Variants in GORASP1 observed in about 807,000 individuals in gnomAD.
GORASP1 encodes the protein golgi reassembly stacking protein 1, also known as Golgi reassembly-stacking protein 1.
In GORASP1, 31 loss-of-function variants were observed where a neutral mutation model predicts 37.7. The observed-to-expected ratio is 0.82, with a 90% CI of 0.62 to 1.11. The LOEUF is 1.11. Ranked by LOEUF, GORASP1 falls within the 50% of genes least tolerant of loss-of-function variation. The probability of loss-of-function intolerance (pLI) is 0.00; values close to 1 mark genes in which losing one functional copy is unlikely to be tolerated. For synonymous variants in GORASP1, 204 were observed against 224.8 expected, an observed-to-expected ratio of 0.91 and a Z score of 0.83; for missense variants, 476 against 560.7, an observed-to-expected ratio of 0.85 and a Z score of 1.53.
rs140734803 is a variant in GORASP1 at position 39,103,534 on chromosome 3, G to T, written c.83C>A (p.Ala28Asp). Residue 28 changes from alanine to aspartate, a missense_variant, in exon 2 of 9, where the codon GCC becomes GAC. Transcript: ENST00000319283. This position sits in a 1 kb window ranked among gnomAD's most constrained non-coding sequence, Gnocchi z 5.2. ...HLHGVQENSP[A>D]QQAGLEPYFD... is the part of the protein sequence containing the mutation. Reference sequence around the variant, plus strand: ...GTAGGGCTCCAGGCCCGCCTGCTGGGCTGGGGAGTTCTCCTGCACCTATCC... The same window carrying T: ...GTAGGGCTCCAGGCCCGCCTGCTGGTCTGGGGAGTTCTCCTGCACCTATCC... The T allele has an allele frequency of 6.2e-7, 1 of 1,613,364 alleles. No individual in the cohort carries two copies. Among genetic ancestry groups the T allele is most frequent in the Middle Eastern group, 1.7e-4 (1 of 6,054 alleles).
chr3:39,098,530 C>G lies in GORASP1; in HGVS notation c.1070-41G>C. The G allele has an allele frequency of 6.3e-7, 1 of 1,583,780 alleles. No individual in the cohort carries two copies. The highest frequency in any genetic ancestry group is 8.6e-7 in the Non-Finnish European group (1 of 1,164,486). ...TCAGGCTGAGGAGGTCTGCAAGAAC[C>G]TAGGGCCATGGTGTTAGGGCCAGTA... On this transcript the variant is annotated intron_variant, in intron 8 of 8. Transcript: ENST00000319283. This position sits in a 1 kb window ranked among gnomAD's most constrained non-coding sequence, Gnocchi z 4.7.
chr3:39,098,107 C>G lies in GORASP1; in HGVS notation c.*129G>C, dbSNP rs969755268. On this transcript the variant is annotated 3_prime_UTR_variant, in exon 9 of 9. Transcript: ENST00000319283. The surrounding 1 kb of genome is among the most constrained non-coding windows in gnomAD (Gnocchi z 4.7). ...TCCCACAAGGCCCATGGCCCCCTCTCACCACCCACTGAGGCCTCATGTCCC... is the reference window on the plus strand; with the variant it reads ...TCCCACAAGGCCCATGGCCCCCTCTGACCACCCACTGAGGCCTCATGTCCC... 3.5e-6 allele frequency: 4 copies of G among 1,129,786 alleles called. No homozygotes were observed. Among genetic ancestry groups the G allele is most frequent in the Non-Finnish European group, 5.0e-6 (4 of 793,668 alleles). 70.0% of individuals were successfully genotyped at this position (1,129,786 alleles called of 1,614,324 possible). A position where few individuals can be genotyped will look rare whatever the true frequency, so the allele number is the denominator to read the frequency against.
rs1305994868 is a variant in GORASP1, at chr3:39,102,363, GCATTCCAGCAGTCCAACCAC to G, written c.348+295_348+314del. The G allele has an allele frequency of 2.1e-6, 1 of 484,200 alleles. No homozygotes were observed. The highest frequency in any genetic ancestry group is 3.8e-6 in the Non-Finnish European group (1 of 265,012). 30.0% of individuals were successfully genotyped at this position (484,200 alleles called of 1,614,324 possible). On this transcript the variant is annotated intron_variant, in intron 3 of 8. Coordinates refer to ENST00000319283, the MANE Select transcript of GORASP1 (RefSeq NM_031899.4). This position sits in a 1 kb window ranked among gnomAD's most constrained non-coding sequence, Gnocchi z 5.0. ...GACACAGAGAATAATAAAAGCAGCA[GCATTCCAGCAGTCCAACCAC>G]CATTCCAGTAGATGATATTTCTACC...
Position 39,101,060 on chromosome 3 carries a change from G to A in GORASP1, c.391C>T (p.Pro131Ser). The A allele has an allele frequency of 6.2e-7, 1 of 1,614,172 alleles. No homozygotes were observed. The highest frequency in any genetic ancestry group is 8.5e-7 in the Non-Finnish European group (1 of 1,180,002). The stretch of plus-strand genomic sequence containing the variant: ...GAACCAACCACATAGTCTGTGTAGG[G>A]GCGCAGGCCGGCAAGGGCAGCAGGT... Reference protein sequence around the residue: ...SSPAALAGLRPYTDYVVGSDQ... With the variant: ...SSPAALAGLRSYTDYVVGSDQ... Residue 131 changes from proline to serine, a missense_variant, in exon 4 of 9, where the codon CCC (proline) becomes TCC (serine). Transcript: ENST00000319283.
At chr3:39,101,158 G>A in intron 3 of GORASP1, 56 bp from the exon 4 acceptor site, 1 of 1,519,218 alleles carries the variant, frequency 6.6e-7, no homozygotes, top group East Asian at 2.3e-5. Flanking sequence ...GTTGGGGGAT[G>A]GGAAAGGGCA....
intron 3 of GORASP1, 101 bp from the exon 4 acceptor site, chr3:39,101,203 C>T: frequency 1.0e-6 from 1 of 991,046 alleles, no homozygotes; most frequent in Non-Finnish European, 1.6e-6. Context: ...GAGTGGGACA[C>T]TTGTCCTCTA....
intron 1 of GORASP1, among the ~76,000 whole-genome samples, chr3:39,104,355 A>AC (rs2035904475): frequency 1.3e-5 from 2 of 152,154 alleles, no homozygotes; most frequent in Admixed American, 1.3e-4. Flanking sequence ...CTCCAAAAGC[A>AC]CAACAACCAG....
chr3:39,100,617 C>A lies in GORASP1; in HGVS notation c.567-114G>T. ...GGCTGAAAAGGGTACTTCTGAAATACCGGTCAGCCTCAGGATCCCTGGGCC... is the reference window on the plus strand; with the variant it reads ...GGCTGAAAAGGGTACTTCTGAAATAACGGTCAGCCTCAGGATCCCTGGGCC... On this transcript the variant is annotated intron_variant, in intron 5 of 8. Transcript: ENST00000319283. The surrounding 1 kb of genome is among the most constrained non-coding windows in gnomAD (Gnocchi z 4.6). 6.8e-7 allele frequency: 1 copy of A among 1,478,454 alleles called. No homozygotes were observed. Among genetic ancestry groups the A allele is most frequent in the Non-Finnish European group, 9.1e-7 (1 of 1,096,938 alleles). 91.6% of individuals were successfully genotyped at this position (1,478,454 alleles called of 1,614,324 possible). A position where few individuals can be genotyped will look rare whatever the true frequency, so the allele number is the denominator to read the frequency against.
At position 39,103,024 on chromosome 3, in the gene GORASP1, G is replaced by T; in HGVS notation, c.145-143C>A. The T allele has an allele frequency of 1.3e-6, 1 of 770,678 alleles. No homozygotes were observed. Among genetic ancestry groups the T allele is most frequent in the Non-Finnish European group, 2.2e-6 (1 of 444,570 alleles). 47.7% of individuals were successfully genotyped at this position (770,678 alleles called of 1,614,324 possible). A position where few individuals can be genotyped will look rare whatever the true frequency, so the allele number is the denominator to read the frequency against. On this transcript the variant is annotated intron_variant, in intron 2 of 8. Coordinates refer to ENST00000319283, the MANE Select transcript of GORASP1 (RefSeq NM_031899.4). This position sits in a 1 kb window ranked among gnomAD's most constrained non-coding sequence, Gnocchi z 5.2. The stretch of plus-strand genomic sequence containing the variant: ...ACTGTGGGGATGGGCCAAGGTAGTG[G>T]ATGGGCCAGGTTCACAGACCAGGGT...
chr3:39,104,206 G>C (rs2035897359), intron 1 of GORASP1, among the ~76,000 whole-genome samples: 1 of 152,192 alleles, frequency 6.6e-6, no homozygotes, highest in Non-Finnish European at 1.5e-5. Flanking sequence ...GCTCTGGACT[G>C]AGGAGCCCCC....
intron 3 of GORASP1, chr3:39,101,310 A>T: frequency 1.6e-6 from 1 of 615,690 alleles, no homozygotes. Flanking sequence ...GGGCAGTACC[A>T]TGATAAGGCT....
At position 39,097,849 on chromosome 3, in the gene GORASP1, G is replaced by A; in HGVS notation, c.*387C>T. ...CACATGACAGAGGACTCAGTGTTTG[G>A]GACTTGAAAGGGGGTGGTCCCAGGG... On this transcript the variant is annotated 3_prime_UTR_variant, in exon 9 of 9. Transcript: ENST00000319283. 1 of 190,686 alleles carries A rather than the reference G, an allele frequency of 5.2e-6. No individual in the cohort carries two copies. Among genetic ancestry groups the A allele is most frequent in the South Asian group, 1.2e-4 (1 of 8,232 alleles). The allele number at this position is 190,686 out of a possible 1,614,324, so 11.8% of individuals were successfully genotyped here.
At position 39,107,532 on chromosome 3, in the gene GORASP1, C is replaced by T; in HGVS notation, c.10G>A (p.Gly4Ser). The T allele has an allele frequency of 1.3e-6, 2 of 1,509,696 alleles. No individual in the cohort carries two copies. The highest frequency in any genetic ancestry group is 1.8e-6 in the Non-Finnish European group (2 of 1,139,358). The allele number at this position is 1,509,696 out of a possible 1,614,324, so 93.5% of individuals were successfully genotyped here. A position where few individuals can be genotyped will look rare whatever the true frequency, so the allele number is the denominator to read the frequency against. ...CCTGCGGGCTGCTCAGCGCTGACGC[C>T]CAGGCCCATGGCAGCGGCTCCGCTC... The part of the protein sequence containing the change: MGL[G>S]VSAEQPAGGA... Residue 4 changes from glycine (G) to serine (S), a missense_variant, in exon 1 of 9, where the codon GGC becomes AGC. Gly to Ser is a moderately conservative substitution (Grantham distance 56). Coordinates refer to ENST00000319283, the MANE Select transcript of GORASP1 (RefSeq NM_031899.4).
chr3:39,104,948 A>C (rs1183313969), intron 1 of GORASP1, among the ~76,000 whole-genome samples: 1 of 152,158 alleles, frequency 6.6e-6, no homozygotes, highest in East Asian at 1.9e-4. Context: ...TAGCTTGGGG[A>C]CAATGCCCCT....
At chr3:39,107,224 C>T in intron 1 of GORASP1, 2 of 540,832 alleles carry the variant, frequency 3.7e-6, no homozygotes. Context: ...CAGGAAAACG[C>T]TCCGCTTCCG....
rs893660105 is a variant in GORASP1 at position 39,105,646 on chromosome 3, G to A, written c.63+1833C>T. On this transcript the variant is annotated intron_variant, in intron 1 of 8. Transcript: ENST00000319283. This position sits in a 1 kb window ranked among gnomAD's most constrained non-coding sequence, Gnocchi z 5.4. ...TTCTCCAAAGTATTGGGCACGCAGC[G>A]AGGTGCCAATATTTCTAGAATGCAG... is the stretch of plus-strand genomic sequence containing the variant. 6.6e-6 allele frequency among the ~76,000 whole-genome samples: 1 copy of A among 152,188 alleles called. No homozygotes were observed. Among genetic ancestry groups the A allele is most frequent in the Non-Finnish European group, 1.5e-5 (1 of 68,040 alleles).
At position 39,103,400 on chromosome 3, in the gene GORASP1, G is replaced by T; in HGVS notation, c.144+73C>A. On this transcript the variant is annotated intron_variant, in intron 2 of 8. Coordinates refer to ENST00000319283, the MANE Select transcript of GORASP1 (RefSeq NM_031899.4). This position sits in a 1 kb window ranked among gnomAD's most constrained non-coding sequence, Gnocchi z 5.2. ...AAAAGGGAGGGAAGGGTAGACTGGG[G>T]CCCCCTGTGGGACAGATGAAGACAC... The T allele has an allele frequency of 2.4e-6, 3 of 1,257,868 alleles. No individual in the cohort carries two copies. The highest frequency in any genetic ancestry group is 1.4e-5 in the South Asian group (1 of 72,882). 77.9% of individuals were successfully genotyped at this position (1,257,868 alleles called of 1,614,324 possible).
rs1189846170 is a variant in GORASP1, at chr3:39,096,636, T to C, written c.*1600A>G. On this transcript the variant is annotated 3_prime_UTR_variant, in exon 9 of 9. Transcript: ENST00000319283. ...AGGGTAAAAATCTGTATTTCACAGT[T>C]GTATAGAATAAAGGCTTTAGTTAAA... 1 of 152,196 alleles carries C rather than the reference T, an allele frequency of 6.6e-6. No homozygotes were observed. The highest frequency in any genetic ancestry group is 1.5e-5 in the Non-Finnish European group (1 of 68,030). The allele number at this position is 152,196 out of a possible 1,614,324, so 9.4% of individuals were successfully genotyped here.
intron 3 of GORASP1, chr3:39,101,377 C>G: frequency 1.7e-6 from 1 of 579,766 alleles, no homozygotes. Flanking sequence ...AGCTGCCCAG[C>G]TATATGACTA....
Sources: gnomAD v4.1 joint callset for allele counts (sites outside exome capture counted in the v4.1 genomes callset) on GRCh38, gnomAD v4.1.1 for gene constraint, Gnocchi (gnomAD v3.1) non-coding constraint, MANE v1.5 for transcripts, NCBI Gene and HGNC (gene_info 2026-07-23, HGNC 2026-07-21) for gene names.